The following POTEE variants were observed in gnomAD, a reference collection of about 807,000 sequenced individuals.
POTEE encodes the protein POTE ankyrin domain family member E.
In POTEE, 21 loss-of-function variants were observed where a neutral mutation model predicts 74.2. The ratio of observed to expected loss-of-function variants is 0.28; its 90% CI spans 0.20 to 0.41. POTEE has a LOEUF of 0.41. POTEE is among the 10% of genes least tolerant of loss of function. The pLI, the probability that POTEE is intolerant of heterozygous loss-of-function variation, is 1.00. For synonymous variants in POTEE, 211 were observed against 432.8 expected (o/e 0.49, Z 6.36); for missense variants, 525 against 1,158.6 (o/e 0.45, Z 7.94).
rs1700393022 is a variant in POTEE at position 131,213,275 on chromosome 2, G to A, written c.-189+2092G>A. Reference sequence around the variant, plus strand: ...CAAAAACAAGGCTTTATTAACTTTTGTATCTAAGAACCTGCAGTGTCGAGC... The same window carrying A: ...CAAAAACAAGGCTTTATTAACTTTTATATCTAAGAACCTGCAGTGTCGAGC... On this transcript the variant is annotated intron_variant, in intron 2 of 17. Transcript: ENST00000683005. Among the ~76,000 whole-genome samples the A allele has an allele frequency of 2.0e-5, 3 of 151,814 alleles. No individual in the cohort carries two copies. The South Asian group carries it at 6.3e-4, about 32-fold the overall frequency.
At chr2:131,231,664 T>C (rs1356627113) in intron 9 of POTEE, among the ~76,000 whole-genome samples, 1 of 152,032 alleles carries the variant, frequency 6.6e-6, no homozygotes, top group Non-Finnish European at 1.5e-5. Context: ...TGCTGGTTAA[T>C]TGTCATCATA....
intron 8 of POTEE, among the ~76,000 whole-genome samples, chr2:131,229,274 A>C (rs1700874639): frequency 1.3e-5 from 2 of 152,148 alleles, no homozygotes; most frequent in African/African-American, 4.8e-5. Context: ...ATGTGGCAGA[A>C]AGAGGTCAGT....
intron 9 of POTEE, among the ~76,000 whole-genome samples, chr2:131,231,849 G>T (rs1700971444): frequency 6.6e-6 from 1 of 152,136 alleles, no homozygotes; most frequent in South Asian, 2.1e-4. Flanking sequence ...TACATTTATA[G>T]TCCAAACTGT....
chr2:131,236,417 T>G (rs571256058), intron 9 of POTEE, among the ~76,000 whole-genome samples: 30 of 152,170 alleles, frequency 2.0e-4, no homozygotes, highest in African/African-American at 7.0e-4. Flanking sequence ...TCTTTACATT[T>G]ACTGCTTCAC....
chr2:131,234,273 C>T (rs1325788983), intron 9 of POTEE, among the ~76,000 whole-genome samples: 2 of 151,506 alleles, frequency 1.3e-5, no homozygotes, highest in East Asian at 3.9e-4. Flanking sequence ...ATGAAGGCAG[C>T]ACAGCAAATT....
intron 9 of POTEE, among the ~76,000 whole-genome samples, chr2:131,232,671 G>T (rs1701000875): frequency 6.7e-6 from 1 of 150,238 alleles, no homozygotes; most frequent in African/African-American, 2.5e-5. Flanking sequence ...GCAAATACTA[G>T]ATGAACAGTG....
intron 8 of POTEE, among the ~76,000 whole-genome samples, chr2:131,230,078 T>C (rs548123559): frequency 6.6e-6 from 1 of 152,202 alleles, no homozygotes; most frequent in African/African-American, 2.4e-5. Context: ...TTGGTCCAAG[T>C]CAGGTCTTAA....
intron 2 of POTEE, among the ~76,000 whole-genome samples, chr2:131,215,987 C>T (rs1326362338): frequency 6.6e-6 from 1 of 151,720 alleles, no homozygotes; most frequent in Non-Finnish European, 1.5e-5. Context: ...CTGATAAACA[C>T]TATATTCAAT....
intron 1 of POTEE, among the ~76,000 whole-genome samples, chr2:131,210,319 TGTGGAAGGG>T (rs1700330793): frequency 1.4e-5 from 1 of 72,986 alleles, no homozygotes; most frequent in African/African-American, 6.1e-5. Context: ...CTACACTGCC[TGTGGAAGGG>T]GTGGTTGGGG....
chr2:131,222,376 T>G (rs1700646756), intron 4 of POTEE, among the ~76,000 whole-genome samples: 1 of 151,920 alleles, frequency 6.6e-6, no homozygotes, highest in Non-Finnish European at 1.5e-5. Context: ...CACAGATACC[T>G]AGAGGGAAGC....
intron 10 of POTEE, among the ~76,000 whole-genome samples, chr2:131,237,960 C>T (rs1379907640): frequency 9.2e-5 from 14 of 152,286 alleles, no homozygotes; most frequent in East Asian, 3.9e-4. Context: ...TTATTTTTCA[C>T]ATGTTAGTCA....
intron 9 of POTEE, among the ~76,000 whole-genome samples, chr2:131,235,890 T>C (rs1028296987): frequency 2.0e-5 from 3 of 150,856 alleles, no homozygotes; most frequent in African/African-American, 7.3e-5. Flanking sequence ...TGTACACTAA[T>C]AAAGGTGTCA....
rs1312403810 is a variant in POTEE, at chr2:131,263,485, T to G, written c.2030T>G (p.Leu677Trp). The G allele has an allele frequency of 6.2e-7, 1 of 1,611,742 alleles. No individual in the cohort carries two copies. The highest frequency in any genetic ancestry group is 1.3e-5 in the African/African-American group (1 of 74,814). ...HQSQLREKKY[L>W]EDIESVKKKN... The stretch of plus-strand genomic sequence containing the variant: ...AGCCAGCTAAGAGAAAAGAAATATT[T>G]GGAGGATATTGAAAGTGTGAAAAAA... The change falls in exon 18 of 18, where the codon TTG becomes TGG. Residue 677 changes from leucine (L) to tryptophan (W), a missense_variant. Leu to Trp is a moderately conservative substitution (Grantham distance 61). Transcript: ENST00000683005.
At chr2:131,216,463 C>T (rs1325910815) in intron 2 of POTEE, among the ~76,000 whole-genome samples, 1 of 151,840 alleles carries the variant, frequency 6.6e-6, no homozygotes, top group African/African-American at 2.4e-5. Flanking sequence ...GGAAAGGACA[C>T]CCTATTCAAC....
intron 17 of POTEE, among the ~76,000 whole-genome samples, 182 bp from the exon 18 acceptor site, chr2:131,263,173 A>G (rs1447428735): frequency 1.3e-5 from 2 of 150,176 alleles, no homozygotes; most frequent in Middle Eastern, 3.4e-3. Context: ...ACGATGAAAA[A>G]TAAATCACTG....
intron 13 of POTEE, among the ~76,000 whole-genome samples, chr2:131,246,282 AT>A: frequency 8.4e-6 from 1 of 118,622 alleles, no homozygotes; most frequent in South Asian, 3.4e-4. Flanking sequence ...CTCTGCTACC[AT>A]TTGCCAAAAG....
intron 6 of POTEE, among the ~76,000 whole-genome samples, chr2:131,225,554 A>G (rs1700756550): frequency 7.6e-6 from 1 of 130,834 alleles, no homozygotes; most frequent in African/African-American, 2.5e-5. Flanking sequence ...TCTTTCCAAT[A>G]ACATTAATCT....
chr2:131,213,092 C>T (rs949470580), intron 2 of POTEE, among the ~76,000 whole-genome samples: 6 of 151,762 alleles, frequency 4.0e-5, no homozygotes, highest in Admixed American at 1.3e-4. Context: ...CCCTGAGTAG[C>T]TGGGATTATA....
chr2:131,210,381 G>A (rs1007352040), intron 1 of POTEE, among the ~76,000 whole-genome samples: 1 of 148,526 alleles, frequency 6.7e-6, no homozygotes, highest in Non-Finnish European at 1.5e-5. Context: ...CACAGGGTGT[G>A]TTGGGTGTGC....
Sources: gnomAD v4.1 joint callset for allele counts (sites outside exome capture counted in the v4.1 genomes callset) on GRCh38, gnomAD v4.1.1 for gene constraint, MANE v1.5 for transcripts, NCBI Gene and HGNC (gene_info 2026-07-23, HGNC 2026-07-21) for gene names.